Variants in PPFIA2 observed in about 807,000 individuals in gnomAD.
The protein encoded by PPFIA2 is PPFI scaffold protein A2.
PPFIA2 carries 46 observed loss-of-function variants against 175.5 expected under a neutral mutation model. That is an observed-to-expected ratio of 0.26 (90% CI 0.21 to 0.34). PPFIA2 has a LOEUF of 0.34. Ranked by LOEUF, PPFIA2 falls within the 10% of genes least tolerant of loss-of-function variation. The pLI, the probability that PPFIA2 is intolerant of heterozygous loss-of-function variation, is 1.00. For synonymous variants in PPFIA2, 568 were observed against 511.4 expected (o/e 1.11, Z -1.49); for missense variants, 1,179 against 1,506.1 (o/e 0.78, Z 3.60).
intron 4 of PPFIA2, among the ~76,000 whole-genome samples, chr12:81,644,985 G>T (rs77625584): frequency 0.033 from 4,970 of 151,502 alleles, 104 homozygotes; most frequent in South Asian, 0.067. Context: ...ACAAAGGGAG[G>T]AATAGTAAAA....
chr12:81,684,434 C>A (rs1250394743), intron 3 of PPFIA2, among the ~76,000 whole-genome samples: 2 of 151,980 alleles, frequency 1.3e-5, no homozygotes, highest in East Asian at 3.9e-4. Flanking sequence ...CTATCATCAG[C>A]CTATAGAACA....
At chr12:81,369,741 T>C (rs1252414097) in intron 11 of PPFIA2, among the ~76,000 whole-genome samples, 1 of 151,458 alleles carries the variant, frequency 6.6e-6, no homozygotes, top group African/African-American at 2.4e-5. Flanking sequence ...AGGGACAAAA[T>C]TGAAAAATCA....
chr12:81,668,424 G>A (rs2070773973), intron 4 of PPFIA2, among the ~76,000 whole-genome samples: 1 of 151,970 alleles, frequency 6.6e-6, no homozygotes, highest in African/African-American at 2.4e-5. Context: ...TGATTCAGTG[G>A]TCTTGCATGT....
At chr12:81,345,866 G>A (rs2058985745) in intron 18 of PPFIA2, among the ~76,000 whole-genome samples, 1 of 152,132 alleles carries the variant, frequency 6.6e-6, no homozygotes. Context: ...AGTTCCGTAT[G>A]TTTGGTTAGT....
At chr12:81,394,397 C>T (rs1408077845) in intron 8 of PPFIA2, among the ~76,000 whole-genome samples, 2 of 151,732 alleles carry the variant, frequency 1.3e-5, no homozygotes, top group Non-Finnish European at 2.9e-5. Context: ...GAACACTAAT[C>T]AAGTACAACA....
At chr12:81,416,893 G>A (rs1430397994) in intron 7 of PPFIA2, among the ~76,000 whole-genome samples, 1 of 151,670 alleles carries the variant, frequency 6.6e-6, no homozygotes, top group African/African-American at 2.4e-5. Flanking sequence ...GTGTGTACGT[G>A]ATCATTTTAT....
chr12:81,473,740 G>A (rs1051135346), intron 4 of PPFIA2, among the ~76,000 whole-genome samples: 2 of 152,160 alleles, frequency 1.3e-5, no homozygotes, highest in Non-Finnish European at 2.9e-5. Context: ...CATAGTCCAA[G>A]TTAGAAAAAT....
intron 4 of PPFIA2, among the ~76,000 whole-genome samples, chr12:81,575,685 T>C (rs2073390720): frequency 1.3e-5 from 2 of 151,788 alleles, no homozygotes; most frequent in African/African-American, 4.8e-5. Context: ...GTTATAAACC[T>C]ATAAAACAGA....
chr12:81,338,940 T>A (rs536071970), intron 21 of PPFIA2, among the ~76,000 whole-genome samples: 1 of 152,302 alleles, frequency 6.6e-6, no homozygotes, highest in South Asian at 2.1e-4. Context: ...AAATAAATTC[T>A]AGCTATTGTT....
intron 9 of PPFIA2, among the ~76,000 whole-genome samples, chr12:81,377,735 A>G (rs1283995335): frequency 6.6e-6 from 1 of 152,014 alleles, no homozygotes; most frequent in Non-Finnish European, 1.5e-5. Context: ...TCTTGGTTTC[A>G]ATACTTTTAT....
chr12:81,618,137 C>G (rs556236411), intron 4 of PPFIA2, among the ~76,000 whole-genome samples: 1 of 152,298 alleles, frequency 6.6e-6, no homozygotes, highest in South Asian at 2.1e-4. Context: ...TCTGTCAACA[C>G]TTCTGAGAGG....
chr12:81,568,919 G>A (rs1159889315), intron 4 of PPFIA2, among the ~76,000 whole-genome samples: 1 of 151,834 alleles, frequency 6.6e-6, no homozygotes, highest in African/African-American at 2.4e-5. Flanking sequence ...GTTAAATAAA[G>A]ATAAATATTC....
At chr12:81,625,523 T>C (rs2062598389) in intron 4 of PPFIA2, among the ~76,000 whole-genome samples, 1 of 151,878 alleles carries the variant, frequency 6.6e-6, no homozygotes, top group Non-Finnish European at 1.5e-5. Flanking sequence ...CATTGTGTAG[T>C]TGAATCCTGG....
chr12:81,310,956 G>A (rs976983540), intron 22 of PPFIA2, among the ~76,000 whole-genome samples: 2 of 152,068 alleles, frequency 1.3e-5, no homozygotes, highest in Admixed American at 1.3e-4. Flanking sequence ...CTAGTAATAT[G>A]TTTAATAGTT....
intron 3 of PPFIA2, among the ~76,000 whole-genome samples, chr12:81,677,077 T>G (rs1248886694): frequency 6.6e-6 from 1 of 152,006 alleles, no homozygotes; most frequent in Non-Finnish European, 1.5e-5. Flanking sequence ...ACAGATTTTT[T>G]TAAATATGCA....
intron 4 of PPFIA2, among the ~76,000 whole-genome samples, chr12:81,520,246 C>T (rs568366633): frequency 1.3e-4 from 20 of 152,128 alleles, no homozygotes; most frequent in Admixed American, 5.9e-4. Context: ...ATGCCTAACG[C>T]GCAGGTAGTG....
At chr12:81,386,648 A>G (rs1475380844) in intron 8 of PPFIA2, among the ~76,000 whole-genome samples, 2 of 151,924 alleles carry the variant, frequency 1.3e-5, no homozygotes, top group African/African-American at 2.4e-5. Context: ...TAATAATAAT[A>G]ATGATAAATA....
At chr12:81,652,532 A>G (rs1322434303) in intron 4 of PPFIA2, among the ~76,000 whole-genome samples, 1 of 152,084 alleles carries the variant, frequency 6.6e-6, no homozygotes, top group African/African-American at 2.4e-5. Context: ...TCATTTACAT[A>G]AAAATAAATC....
At chr12:81,374,804 T>C in intron 10 of PPFIA2, 36 bp from the exon 11 acceptor site, 1 of 1,585,230 alleles carries the variant, frequency 6.3e-7, no homozygotes, top group Non-Finnish European at 8.6e-7. Context: ...ACTTAAAGAG[T>C]CAGAGTTTGG....
Sources: gnomAD v4.1 joint callset for allele counts (sites outside exome capture counted in the v4.1 genomes callset) on GRCh38, gnomAD v4.1.1 for gene constraint, MANE v1.5 for transcripts, NCBI Gene and HGNC (gene_info 2026-07-23, HGNC 2026-07-21) for gene names.